SLC22A24: variants seen among roughly 807,000 people sequenced by gnomAD.
SLC22A24 encodes steroid transmembrane transporter SLC22A24.
Under a neutral mutation model 49.8 loss-of-function variants are expected in SLC22A24, and 53 were observed. That is an observed-to-expected ratio of 1.06 (90% confidence interval 0.85 to 1.34). SLC22A24 has a LOEUF of 1.34. Ranked by LOEUF, SLC22A24 falls within the 40% of genes most tolerant of loss-of-function variation. The probability of loss-of-function intolerance (pLI) is 0.00; values close to 1 mark genes in which losing one functional copy is unlikely to be tolerated. For missense variants in SLC22A24, 786 were observed against 675.9 expected (o/e 1.16, Z -1.81); for synonymous variants, 302 against 256.4 (o/e 1.18, Z -1.70).
chr11:63,104,273 G>T lies in SLC22A24; in HGVS notation c.856C>A (p.Leu286Met). The T allele has an allele frequency of 6.5e-7, 1 of 1,549,880 alleles. No individual in the cohort carries two copies. Among genetic ancestry groups the T allele is most frequent in the Non-Finnish European group, 8.7e-7 (1 of 1,146,650 alleles). ...TCATCTAGCTGATTGTTGATAATCAGCCACCGAGCAGACTCCACCATCTTC... is the reference window on the plus strand; with the variant it reads ...TCATCTAGCTGATTGTTGATAATCATCCACCGAGCAGACTCCACCATCTTC... ...SWKMVESARW[L>M]IINNQLDEGL... is the part of the protein sequence containing the mutation. Residue 286 changes from leucine to methionine, a missense_variant, in exon 5 of 10, where the codon CTG becomes ATG. Physicochemically the swap from Leu to Met is conservative, Grantham distance 15 (BLOSUM62 2). Transcript: ENST00000612278.
intron 1 of SLC22A24, among the ~76,000 whole-genome samples, chr11:63,137,198 AG>A (rs1248024438): frequency 1.3e-5 from 2 of 151,954 alleles, no homozygotes; most frequent in Non-Finnish European, 2.9e-5. Flanking sequence ...CTGGTTTGGG[AG>A]GCTTCTCCTT....
At position 63,139,033 on chromosome 11, in the gene SLC22A24, G is replaced by T. The variant is rs568363418; in HGVS notation, c.403-4265C>A. Among the ~76,000 whole-genome samples, 9 of 152,220 alleles carry T rather than the reference G, an allele frequency of 5.9e-5. No homozygotes were observed. The East Asian group carries it at 1.5e-3, about 26-fold the overall frequency. ...AGAGATCTGAAAGGATTTTTTAAAA[G>T]AGCACTGTGGTTAAAAGTCAGCTTA... On this transcript the variant is annotated intron_variant, in intron 1 of 9. Coordinates refer to ENST00000612278, the MANE Select transcript of SLC22A24 (RefSeq NM_001136506.2).
intron 4 of SLC22A24, among the ~76,000 whole-genome samples, chr11:63,108,141 G>A (rs1030085543): frequency 6.6e-6 from 1 of 152,136 alleles, no homozygotes; most frequent in South Asian, 2.1e-4. Flanking sequence ...TTTTTCGCAT[G>A]CAGGGCTATT....
At chr11:63,143,244 C>T in intron 1 of SLC22A24, 134 bp downstream of exon 1, 2 of 644,668 alleles carry the variant, frequency 3.1e-6, no homozygotes, top group Non-Finnish European at 2.3e-6. Flanking sequence ...GGTGCTGCCA[C>T]CTGCTAAAGG....
chr11:63,101,875 G>T (rs1305255039), intron 5 of SLC22A24, among the ~76,000 whole-genome samples: 2 of 152,058 alleles, frequency 1.3e-5, no homozygotes, highest in Non-Finnish European at 2.9e-5. Context: ...ACATTTGTGG[G>T]AGCTAAAAAT....
chr11:63,090,080 CAAAAAAAAAAAAAAA>C (rs60285946), intron 6 of SLC22A24, among the ~76,000 whole-genome samples: 1 of 64,694 alleles, frequency 1.5e-5, no homozygotes, highest in Non-Finnish European at 2.6e-5. Context: ...GACTCTGTCT[CAAAAAAAAAAAAAAA>C]AAAAAAAAAA....
chr11:63,092,885 CTA>C (rs923552272), intron 6 of SLC22A24, among the ~76,000 whole-genome samples: 7 of 151,984 alleles, frequency 4.6e-5, no homozygotes, highest in African/African-American at 1.7e-4. Flanking sequence ...GCAAAATAAA[CTA>C]TCATCAGAGT....
At chr11:63,085,003 A>C (rs2135192353) in intron 6 of SLC22A24, among the ~76,000 whole-genome samples, 2 of 151,686 alleles carry the variant, frequency 1.3e-5, no homozygotes, top group South Asian at 4.2e-4. Flanking sequence ...AGATTTCATC[A>C]GGGATAGGGA....
At chr11:63,121,580 C>T (rs1204903351) in intron 2 of SLC22A24, among the ~76,000 whole-genome samples, 18 of 151,640 alleles carry the variant, frequency 1.2e-4, no homozygotes, top group Admixed American at 1.2e-3. Context: ...ACCTGCATAC[C>T]CAATGATATC....
intron 4 of SLC22A24, among the ~76,000 whole-genome samples, chr11:63,113,393 G>A (rs1000608571): frequency 2.0e-5 from 3 of 151,584 alleles, no homozygotes; most frequent in Admixed American, 1.3e-4. Context: ...GGCTGGTACC[G>A]TTTGTTTCTT....
chr11:63,118,687 T>G, intron 4 of SLC22A24: 1 of 537,540 alleles, frequency 1.9e-6, no homozygotes, highest in Non-Finnish European at 3.3e-6. Flanking sequence ...AGAAAAATAA[T>G]TTCATGATAA....
At chr11:63,136,791 G>A (rs2087378386) in intron 1 of SLC22A24, among the ~76,000 whole-genome samples, 1 of 152,208 alleles carries the variant, frequency 6.6e-6, no homozygotes, top group Non-Finnish European at 1.5e-5. Context: ...AATGGATCCA[G>A]AAGCCAGCCC....
chr11:63,119,174 G>A lies in SLC22A24; in HGVS notation c.661+7C>T. On this transcript the variant is annotated splice_region_variant and intron_variant, in intron 3 of 9. Coordinates refer to ENST00000612278, the MANE Select transcript of SLC22A24 (RefSeq NM_001136506.2). ...GAGATGATAAAATGCTCAAATTATT[G>A]ACTTACTGAGAATAAAAGTGTTTCC... is the stretch of plus-strand genomic sequence containing the variant. 1 of 1,534,496 alleles carries A rather than the reference G, an allele frequency of 6.5e-7. No individual in the cohort carries two copies. The highest frequency in any genetic ancestry group is 8.8e-7 in the Non-Finnish European group (1 of 1,139,696).
intron 6 of SLC22A24, among the ~76,000 whole-genome samples, chr11:63,084,957 A>G (rs752626045): frequency 5.2e-4 from 77 of 148,726 alleles, no homozygotes; most frequent in Non-Finnish European, 8.8e-4. Context: ...TTTTTTTATT[A>G]CTGAGAAGGA....
chr11:63,120,160 C>G (rs959118772), intron 2 of SLC22A24, among the ~76,000 whole-genome samples: 1 of 150,754 alleles, frequency 6.6e-6, no homozygotes, highest in Non-Finnish European at 1.5e-5. Context: ...CTTTTGTTGC[C>G]ATTGCTTTTG....
intron 6 of SLC22A24, among the ~76,000 whole-genome samples, chr11:63,088,715 G>A (rs2087001792): frequency 6.6e-6 from 1 of 152,040 alleles, no homozygotes; most frequent in African/African-American, 2.4e-5. Context: ...AGAATGACCA[G>A]TTTAGAGAAA....
intron 6 of SLC22A24, among the ~76,000 whole-genome samples, chr11:63,091,156 AGAAAT>A (rs1292036561): frequency 1.3e-5 from 2 of 152,354 alleles, no homozygotes; most frequent in East Asian, 3.9e-4. Flanking sequence ...AAAATCTAGA[AGAAAT>A]GAATAAATTT....
chr11:63,087,109 A>T (rs555646680), intron 6 of SLC22A24, among the ~76,000 whole-genome samples: 1 of 151,238 alleles, frequency 6.6e-6, no homozygotes, highest in African/African-American at 2.4e-5. Context: ...GAAGCAAAGA[A>T]ATAATAAAAA....
rs1225033980 is a variant in SLC22A24 at position 63,134,749 on chromosome 11, G to C, written c.422C>G (p.Ser141Cys). ...TTGAACCATTGATTTTAGTGACTGA[G>C]ATTCACATACCAGGTCCCACTGGAA... ...IVTEWDLVCESQSLKSMVQSL... is the reference protein window; with the variant it reads ...IVTEWDLVCECQSLKSMVQSL... The change falls in exon 2 of 10, where the codon TCT becomes TGT. Residue 141 changes from serine to cysteine, a missense_variant. Coordinates refer to ENST00000612278, the MANE Select transcript of SLC22A24 (RefSeq NM_001136506.2). 2.4e-5 allele frequency: 38 copies of C among 1,572,740 alleles called. No homozygotes were observed. The highest frequency in any genetic ancestry group is 3.2e-5 in the Non-Finnish European group (37 of 1,157,280).
Sources: gnomAD v4.1 joint callset for allele counts (sites outside exome capture counted in the v4.1 genomes callset) on GRCh38, gnomAD v4.1.1 for gene constraint, MANE v1.5 for transcripts, NCBI Gene and HGNC (gene_info 2026-07-23, HGNC 2026-07-21) for gene names.